The following PDE4D variants were observed in gnomAD, a reference collection of about 807,000 sequenced individuals.
PDE4D encodes the protein 3',5'-cyclic-AMP phosphodiesterase 4D.
Under a neutral mutation model 87.4 loss-of-function variants are expected in PDE4D, and 24 were observed. The observed-to-expected ratio is 0.27, with a 90% CI of 0.20 to 0.39. The LOEUF is 0.39. PDE4D is among the 10% of genes least tolerant of loss of function. PDE4D has a pLI of 1.00. For synonymous variants in PDE4D, 384 were observed against 383.2 expected (o/e 1.00, Z -0.02); for missense variants, 714 against 1,041.0 (o/e 0.69, Z 4.32).
chr5:60,210,850 G>GAACAGTTTCACTTTGGTGCTTCTATTTCT (rs1743119210), intron 1 of PDE4D, among the ~76,000 whole-genome samples: 1 of 151,678 alleles, frequency 6.6e-6, no homozygotes, highest in African/African-American at 2.4e-5. Context: ...CAGGGACCAA[G>GAACAGTTTCACTTTGGTGCTTCTATTTCT]AACAGTTTCA....
chr5:59,709,102 CAG>C (rs1185316813), intron 1 of PDE4D, among the ~76,000 whole-genome samples: 10 of 152,142 alleles, frequency 6.6e-5, no homozygotes, highest in Admixed American at 6.6e-4. Flanking sequence ...CTTGAGGAAA[CAG>C]AGTTGCATGG....
rs547178224 is a variant in PDE4D, at chr5:59,552,364, C to T, written c.456-336396G>A. 4.6e-5 allele frequency among the ~76,000 whole-genome samples: 7 copies of T among 152,094 alleles called. No homozygotes were observed. In the South Asian group the frequency reaches 1.5e-3, roughly 32 times the overall value. ...TTTCTAATAACATTTCAACTAATTC[C>T]TTTGGCTCTTCCAGGTAAATACCCA... On this transcript the variant is annotated intron_variant, in intron 1 of 14. Coordinates refer to ENST00000340635, the MANE Select transcript of PDE4D (RefSeq NM_001104631.2).
chr5:60,169,765 T>C (rs542518817), intron 2 of PDE4D, among the ~76,000 whole-genome samples: 1 of 152,230 alleles, frequency 6.6e-6, no homozygotes, highest in Admixed American at 6.5e-5. Context: ...GGAATCCCAC[T>C]TTTCCCTCTG....
At chr5:59,583,073 A>G (rs1824464922) in intron 1 of PDE4D, among the ~76,000 whole-genome samples, 2 of 152,200 alleles carry the variant, frequency 1.3e-5, no homozygotes, top group African/African-American at 4.8e-5. Context: ...AGGTATTTAA[A>G]TAAAATGCCC....
chr5:59,251,588 T>G (rs1307518856), intron 1 of PDE4D, among the ~76,000 whole-genome samples: 1 of 152,108 alleles, frequency 6.6e-6, no homozygotes, highest in Non-Finnish European at 1.5e-5. Flanking sequence ...GGAGTGTAAA[T>G]TAGTTCAACC....
chr5:59,325,872 G>T (rs951716277), intron 1 of PDE4D, among the ~76,000 whole-genome samples: 10 of 151,846 alleles, frequency 6.6e-5, no homozygotes, highest in Non-Finnish European at 1.2e-4. Context: ...TAAATGTGTT[G>T]AGTCACAATG....
chr5:59,587,692 T>C, intron 1 of PDE4D: 1 of 865,326 alleles, frequency 1.2e-6, no homozygotes, highest in Non-Finnish European at 1.4e-6. Flanking sequence ...AAGGGGGCCC[T>C]CTAGGTGGGT....
chr5:60,112,992 G>C (rs1777831349), intron 2 of PDE4D, among the ~76,000 whole-genome samples: 1 of 152,134 alleles, frequency 6.6e-6, no homozygotes, highest in Admixed American at 6.6e-5. Flanking sequence ...AATCCAGGGA[G>C]ATGAGACGTA....
chr5:59,430,178 TA>T (rs1795902596), intron 1 of PDE4D: 1 of 968,574 alleles, frequency 1.0e-6, no homozygotes, highest in Non-Finnish European at 1.3e-6. Flanking sequence ...GTGTGTTGAA[TA>T]AAAACTAACT....
intron 1 of PDE4D, among the ~76,000 whole-genome samples, chr5:59,813,138 C>T (rs958488533): frequency 3.3e-5 from 5 of 152,172 alleles, no homozygotes; most frequent in African/African-American, 1.2e-4. Context: ...TGTTTGGATG[C>T]TTACTTGCTG....
chr5:60,034,868 G>A (rs1252260225), intron 2 of PDE4D, among the ~76,000 whole-genome samples: 1 of 152,102 alleles, frequency 6.6e-6, no homozygotes, highest in Non-Finnish European at 1.5e-5. Flanking sequence ...AATCAGCATG[G>A]GTCAGACACA....
At chr5:60,426,802 A>T (rs1023337647) in intron 1 of PDE4D, among the ~76,000 whole-genome samples, 1 of 152,230 alleles carries the variant, frequency 6.6e-6, no homozygotes, top group African/African-American at 2.4e-5. Context: ...TATGTTAAAG[A>T]ATTTTAAATA....
At chr5:59,149,510 G>T (rs1399745987) in intron 5 of PDE4D, among the ~76,000 whole-genome samples, 1 of 152,048 alleles carries the variant, frequency 6.6e-6, no homozygotes, top group Non-Finnish European at 1.5e-5. Context: ...GGGATTTCAG[G>T]CACAAGTTAC....
intron 1 of PDE4D, among the ~76,000 whole-genome samples, chr5:59,497,477 T>C (rs898947590): frequency 2.6e-5 from 4 of 151,866 alleles, no homozygotes; most frequent in Non-Finnish European, 5.9e-5. Flanking sequence ...ACAACATAGC[T>C]ATATTAAGAA....
At chr5:59,700,835 C>T (rs1200278027) in intron 1 of PDE4D, among the ~76,000 whole-genome samples, 1 of 152,180 alleles carries the variant, frequency 6.6e-6, no homozygotes, top group African/African-American at 2.4e-5. Context: ...CTCTCAATCC[C>T]GTAGAATCAC....
intron 2 of PDE4D, among the ~76,000 whole-genome samples, chr5:60,128,380 C>G (rs999994411): frequency 5.9e-5 from 9 of 152,170 alleles, no homozygotes; most frequent in Admixed American, 2.0e-4. Flanking sequence ...TCCTTCTTCC[C>G]TGGGCCCATA....
At chr5:59,028,423 A>T (rs1756635260) in intron 6 of PDE4D, among the ~76,000 whole-genome samples, 2 of 150,510 alleles carry the variant, frequency 1.3e-5, no homozygotes, top group African/African-American at 4.9e-5. Context: ...TAAAATAAAA[A>T]CTAATGTTAT....
chr5:59,449,705 G>A (rs1175418185), intron 1 of PDE4D, among the ~76,000 whole-genome samples: 1 of 152,034 alleles, frequency 6.6e-6, no homozygotes, highest in Non-Finnish European at 1.5e-5. Flanking sequence ...AATTATGTAG[G>A]TTTTCTCAGT....
At chr5:59,313,978 T>C (rs1444070742) in intron 1 of PDE4D, 2 of 152,200 alleles carry the variant, frequency 1.3e-5, no homozygotes, top group Admixed American at 6.5e-5. Context: ...CTGTGAGTCA[T>C]TGGAAGATCT....
Sources: gnomAD v4.1 joint callset for allele counts (sites outside exome capture counted in the v4.1 genomes callset) on GRCh38, gnomAD v4.1.1 for gene constraint, MANE v1.5 for transcripts, NCBI Gene and HGNC (gene_info 2026-07-23, HGNC 2026-07-21) for gene names.